The following HNF4A variants were observed in gnomAD, a reference collection of about 807,000 sequenced individuals.
HNF4A encodes hepatocyte nuclear factor 4 alpha.
A neutral mutation model predicts 52.4 loss-of-function variants in HNF4A; 15 were observed. That is an observed-to-expected ratio of 0.29 (90% confidence interval 0.19 to 0.44). The LOEUF is 0.44. Ranked by LOEUF, HNF4A falls within the 20% of genes least tolerant of loss-of-function variation. The pLI is 1.00. For missense variants in HNF4A, 479 were observed against 647.2 expected (o/e 0.74, Z 2.82); for synonymous variants, 280 against 264.4 (o/e 1.06, Z -0.57).
chr20:44,422,932 G>A (rs1174189160), intron 7 of HNF4A, among the ~76,000 whole-genome samples: 1 of 152,150 alleles, frequency 6.6e-6, no homozygotes, highest in South Asian at 2.1e-4. Context: ...CCCCGCCTCG[G>A]CCTCTGACAG....
At position 44,431,109 on chromosome 20, in the gene HNF4A, C is replaced by G. The variant is rs1049168662; in HGVS notation, c.*1444C>G. On this transcript the variant is annotated 3_prime_UTR_variant, in exon 10 of 10. Transcript: ENST00000316099. The stretch of plus-strand genomic sequence containing the variant: ...AGGTGAAGTGATTTTTTTTCTGAAA[C>G]TCACACAACTAGGAAGTGGCTGAGT... 7.0e-6 allele frequency: 1 copy of G among 142,484 alleles called. No individual in the cohort carries two copies. Among genetic ancestry groups the G allele is most frequent in the Non-Finnish European group, 1.5e-5 (1 of 65,210 alleles). The allele number at this position is 142,484 out of a possible 1,614,324, so 8.8% of individuals were successfully genotyped here. A position where few individuals can be genotyped will look rare whatever the true frequency, so the allele number is the denominator to read the frequency against.
chr20:44,376,835 C>G (rs1400575537), intron 1 of HNF4A, among the ~76,000 whole-genome samples: 2 of 152,130 alleles, frequency 1.3e-5, no homozygotes, highest in Non-Finnish European at 2.9e-5. Flanking sequence ...GCAGCAACTT[C>G]CTTTTATTAC....
At chr20:44,427,925 G>A (rs6031599) in intron 8 of HNF4A, among the ~76,000 whole-genome samples, 69 of 152,310 alleles carry the variant, frequency 4.5e-4, no homozygotes, top group African/African-American at 1.5e-3. Context: ...AGGTCAGTTG[G>A]CTGCAGCAGA....
chr20:44,361,304 A>G (rs1438263810), intron 1 of HNF4A, among the ~76,000 whole-genome samples: 7 of 152,192 alleles, frequency 4.6e-5, no homozygotes, highest in African/African-American at 7.2e-5. Flanking sequence ...TATGCAGTTC[A>G]GTTGAGGTAT....
chr20:44,366,184 T>G (rs1340593428), intron 1 of HNF4A, among the ~76,000 whole-genome samples: 3 of 152,244 alleles, frequency 2.0e-5, no homozygotes, highest in Non-Finnish European at 4.4e-5. Context: ...GAGCATTTCA[T>G]GTAGTAAGAG....
At chr20:44,414,160 G>A (rs1259082613) in intron 4 of HNF4A, among the ~76,000 whole-genome samples, 2 of 152,192 alleles carry the variant, frequency 1.3e-5, no homozygotes, top group African/African-American at 2.4e-5. Context: ...GTGACCTTGG[G>A]CAAGTCACAG....
intron 1 of HNF4A, among the ~76,000 whole-genome samples, chr20:44,386,085 G>T (rs6130605): frequency 0.23 from 34,198 of 149,326 alleles, 4,872 homozygotes; most frequent in Non-Finnish European, 0.33. Context: ...TTGAACTCCT[G>T]AACTCAGGTG....
Position 44,413,714 on chromosome 20 carries a change from C to G in HNF4A, c.406C>G (p.Arg136Gly), listed in dbSNP as rs137853336. ...CACAGCCGTCCAGAATGAGCGGGAC[C>G]GGATCAGCACTCGAAGGTCAAGCTA... The change falls in exon 4 of 10, where the codon CGG (arginine) becomes GGG (glycine). Residue 136 changes from arginine to glycine, a missense_variant. Physicochemically the swap from Arg to Gly is moderately radical, Grantham distance 125. Coordinates refer to ENST00000316099, the MANE Select transcript of HNF4A (RefSeq NM_000457.6). 2 of 1,613,614 alleles carry G rather than the reference C, an allele frequency of 1.2e-6. No homozygotes were observed. The highest frequency in any genetic ancestry group is 1.7e-6 in the Non-Finnish European group (2 of 1,179,836).
At chr20:44,378,706 G>C (rs2063114338) in intron 1 of HNF4A, among the ~76,000 whole-genome samples, 1 of 151,944 alleles carries the variant, frequency 6.6e-6, no homozygotes, top group Admixed American at 6.6e-5. Context: ...CCCCTTGGGA[G>C]GCTAACATGG....
chr20:44,427,177 A>T lies in HNF4A; in HGVS notation c.1130-1158A>T, dbSNP rs116288548. On this transcript the variant is annotated intron_variant, in intron 8 of 9. Coordinates refer to ENST00000316099, the MANE Select transcript of HNF4A (RefSeq NM_000457.6). ...TTTGGATATTGTCAAATGTCTCCTG[A>T]TGGGCCAAAATCATCCCCAGTTGGG... is the stretch of plus-strand genomic sequence containing the variant. Among the ~76,000 whole-genome samples the T allele has an allele frequency of 3.9e-3, 592 of 152,324 alleles. 2 individuals are homozygous for T. Among genetic ancestry groups the T allele is most frequent in the African/African-American group, 0.014 (562 of 41,572 alleles).
chr20:44,388,348 C>T (rs537677868), intron 1 of HNF4A, among the ~76,000 whole-genome samples: 88 of 140,610 alleles, frequency 6.3e-4, no homozygotes, highest in African/African-American at 2.4e-3. Flanking sequence ...GGAAGCAGCA[C>T]AAAGCCTGGA....
At chr20:44,411,286 C>T (rs1025582364) in intron 3 of HNF4A, among the ~76,000 whole-genome samples, 2 of 152,212 alleles carry the variant, frequency 1.3e-5, no homozygotes, top group Non-Finnish European at 2.9e-5. Context: ...ACCTCTCCGC[C>T]TCTGCCCAGG....
chr20:44,423,890 T>C (rs1327488815), intron 7 of HNF4A, 128 bp from the exon 8 acceptor site: 5 of 831,998 alleles, frequency 6.0e-6, no homozygotes, highest in Non-Finnish European at 6.0e-6. Context: ...TTGAGGTCCC[T>C]GAATCCTTGT....
rs2063135049 is a variant in HNF4A at position 44,379,984 on chromosome 20, G to A, written c.49+24131G>A. On this transcript the variant is annotated intron_variant, in intron 1 of 9. Coordinates refer to the HNF4A transcript ENST00000316673. ...CCTGACCTCGTGATCCGCCCGCCTTGGCCTCCCAAAGTGCTGGGATTACAG... is the reference window on the plus strand; with the variant it reads ...CCTGACCTCGTGATCCGCCCGCCTTAGCCTCCCAAAGTGCTGGGATTACAG... Among the ~76,000 whole-genome samples the A allele has an allele frequency of 2.6e-5, 4 of 151,970 alleles. No homozygotes were observed. In the South Asian group the frequency reaches 8.3e-4, roughly 32 times the overall value.
intron 1 of HNF4A, among the ~76,000 whole-genome samples, chr20:44,368,741 G>A (rs953471105): frequency 6.6e-6 from 1 of 152,190 alleles, no homozygotes; most frequent in South Asian, 2.1e-4. Context: ...AACAGTGCAT[G>A]GAAAGACCTT....
intron 1 of HNF4A, among the ~76,000 whole-genome samples, chr20:44,364,525 C>T (rs1010184822): frequency 6.6e-6 from 1 of 151,846 alleles, no homozygotes; most frequent in Non-Finnish European, 1.5e-5. Flanking sequence ...GGCTGGAGTG[C>T]AGCGGCACGA....
At chr20:44,368,888 G>A (rs535616655) in intron 1 of HNF4A, among the ~76,000 whole-genome samples, 97 of 152,172 alleles carry the variant, frequency 6.4e-4, no homozygotes, top group African/African-American at 1.9e-3. Flanking sequence ...AACACATTAC[G>A]TCTATAACTA....
At chr20:44,397,219 T>A (rs1274527655), upstream of HNF4A, among the ~76,000 whole-genome samples, 2 of 152,236 alleles carry the variant, frequency 1.3e-5, no homozygotes, top group South Asian at 4.1e-4. Context: ...CCTGTATTTA[T>A]TATGTGCTCA....
intron 1 of HNF4A, among the ~76,000 whole-genome samples, chr20:44,367,019 G>T (rs1207060575): frequency 2.6e-5 from 4 of 152,172 alleles, no homozygotes; most frequent in Admixed American, 2.6e-4. Flanking sequence ...CATGGCCCAG[G>T]TACTACTCTA....
Sources: allele counts gnomAD v4.1 joint callset (sites outside exome capture counted in the v4.1 genomes callset), GRCh38; gene constraint gnomAD v4.1.1; transcripts MANE v1.5; gene names NCBI Gene and HGNC (gene_info 2026-07-23, HGNC 2026-07-21).